ABCB5: variants seen among roughly 807,000 people sequenced by gnomAD.
ABCB5 encodes ATP-binding cassette sub-family B member 5.
ABCB5 carries 155 observed loss-of-function variants against 144.2 expected under a neutral mutation model. The observed-to-expected ratio is 1.08, with a 90% CI of 0.94 to 1.23. ABCB5 has a LOEUF of 1.23. Among genes scored for constraint, ABCB5 ranks in the 50% most tolerant of loss-of-function variants. The pLI is 0.00. For missense variants in ABCB5, 1,830 were observed against 1,520.8 expected (o/e 1.20, Z -3.38); for synonymous variants, 610 against 528.6 (o/e 1.15, Z -2.11).
intron 7 of ABCB5, among the ~76,000 whole-genome samples, chr7:20,645,207 G>A (rs1784375363): frequency 6.6e-6 from 1 of 152,146 alleles, no homozygotes; most frequent in Non-Finnish European, 1.5e-5. Flanking sequence ...CTAAGTACAA[G>A]GCTTTGTGCC....
intron 14 of ABCB5, chr7:20,666,761 A>C (rs2128033318): frequency 6.3e-7 from 1 of 1,598,450 alleles, no homozygotes. Context: ...TTTTCTAGAA[A>C]AAATAATACA....
intron 13 of ABCB5, among the ~76,000 whole-genome samples, chr7:20,656,917 T>TC (rs1420347073): frequency 6.9e-6 from 1 of 144,526 alleles, no homozygotes; most frequent in African/African-American, 2.6e-5. Context: ...TTTTTCTTTT[T>TC]TTTTTTTTTT....
intron 14 of ABCB5, among the ~76,000 whole-genome samples, chr7:20,670,046 C>G (rs1785413487): frequency 6.6e-6 from 1 of 152,172 alleles, no homozygotes; most frequent in South Asian, 2.1e-4. Flanking sequence ...AGATATTCTA[C>G]AAAACATCTA....
At chr7:20,625,663 G>T (rs1055582243) in intron 2 of ABCB5, among the ~76,000 whole-genome samples, 1 of 152,150 alleles carries the variant, frequency 6.6e-6, no homozygotes, top group African/African-American at 2.4e-5. Flanking sequence ...AACAAGTGTT[G>T]GTGAGGATAT....
intron 5 of ABCB5, among the ~76,000 whole-genome samples, chr7:20,632,698 C>G (rs991289349): frequency 1.3e-5 from 2 of 152,088 alleles, no homozygotes; most frequent in African/African-American, 2.4e-5. Flanking sequence ...ATGATGAGTT[C>G]ATGTCCTTTG....
In ABCB5 at chr7:20,698,564, A is replaced by G. The variant is rs1786503416; in HGVS notation, c.2154+14A>G. 6.3e-7 allele frequency: 1 copy of G among 1,582,058 alleles called. No homozygotes were observed. Among genetic ancestry groups the G allele is most frequent in the Admixed American group, 1.9e-5 (1 of 52,272 alleles). The stretch of plus-strand genomic sequence containing the variant: ...AAAATTATAACCGTAAGTAAAATAA[A>G]TTTGCTAATACTTTCAGCAATTTAA... On this transcript the variant is annotated intron_variant, in intron 17 of 27. Transcript: ENST00000404938.
At chr7:20,719,376 T>C (rs1284805810) in intron 20 of ABCB5, among the ~76,000 whole-genome samples, 2 of 152,240 alleles carry the variant, frequency 1.3e-5, no homozygotes, top group Non-Finnish European at 2.9e-5. Context: ...GAAGGTATTT[T>C]AAAAATTTAT....
intron 9 of ABCB5, 83 bp from the exon 10 acceptor site, chr7:20,647,452 T>C: frequency 6.9e-7 from 1 of 1,453,952 alleles, no homozygotes; most frequent in Non-Finnish European, 9.0e-7. Context: ...TCTGTGAGCC[T>C]AAACCAATAA....
In ABCB5 at chr7:20,646,081, T is replaced by C; in HGVS notation, c.924T>C (p.Tyr308=). 1 of 1,613,832 alleles carries C rather than the reference T, an allele frequency of 6.2e-7. No homozygotes were observed. Among genetic ancestry groups the C allele is most frequent in the Non-Finnish European group, 8.5e-7 (1 of 1,179,776 alleles). ...MNGTYGLAFW[Y]GTSLILNGEP... is the part of the protein sequence containing the mutation. ...GAACCTATGGACTTGCTTTTTGGTATGGAACCTCCTTGATTCTTAATGGAG... is the reference window on the plus strand; with the variant it reads ...GAACCTATGGACTTGCTTTTTGGTACGGAACCTCCTTGATTCTTAATGGAG... Residue 308 remains tyrosine (Y), a synonymous_variant, in exon 9 of 28, where the codon TAT becomes TAC. Transcript: ENST00000404938.
At chr7:20,656,871 T>A (rs749884129) in intron 13 of ABCB5, among the ~76,000 whole-genome samples, 20 of 151,668 alleles carry the variant, frequency 1.3e-4, no homozygotes, top group African/African-American at 4.6e-4. Context: ...AGCAGTTGAA[T>A]GAACAAATTG....
At position 20,693,502 on chromosome 7, in the gene ABCB5, C is replaced by T. The variant is rs924222036; in HGVS notation, c.2011-4905C>T. 2.6e-5 allele frequency among the ~76,000 whole-genome samples: 4 copies of T among 152,020 alleles called. No individual in the cohort carries two copies. The South Asian group carries it at 6.2e-4, about 24-fold the overall frequency. ...CTACATAACTCACTTCTAAATAATG[C>T]ACAAATCAAAGGAAAAATCAAAAGA... On this transcript the variant is annotated intron_variant, in intron 16 of 27. Transcript: ENST00000404938.
chr7:20,685,094 G>A (rs544992546), intron 15 of ABCB5, among the ~76,000 whole-genome samples: 16 of 152,242 alleles, frequency 1.1e-4, no homozygotes, highest in Middle Eastern at 3.4e-3. Flanking sequence ...GAAGTGATCC[G>A]CACGTCTCGG....
intron 14 of ABCB5, chr7:20,659,604 C>T (rs1211328718): frequency 2.0e-6 from 2 of 992,440 alleles, no homozygotes; most frequent in Non-Finnish European, 2.4e-6. Context: ...GATAAATAAT[C>T]TTTGTTTACT....
intron 14 of ABCB5, chr7:20,659,225 C>G (rs1229152886): frequency 6.3e-7 from 1 of 1,575,058 alleles, no homozygotes. Flanking sequence ...GCAGTTGTGG[C>G]CCTGCACCAA....
At chr7:20,737,550 T>C (rs1396752493) in intron 23 of ABCB5, among the ~76,000 whole-genome samples, 1 of 152,150 alleles carries the variant, frequency 6.6e-6, no homozygotes, top group Non-Finnish European at 1.5e-5. Flanking sequence ...TTAGGACAGG[T>C]AGAGATTTTA....
intron 14 of ABCB5, chr7:20,659,387 G>T: frequency 8.3e-7 from 1 of 1,209,914 alleles, no homozygotes; most frequent in South Asian, 3.9e-5. Context: ...TTGGAAGTGA[G>T]TTAAGCGTTT....
intron 24 of ABCB5, among the ~76,000 whole-genome samples, chr7:20,740,626 C>T (rs1055722740): frequency 1.3e-5 from 2 of 152,018 alleles, no homozygotes; most frequent in African/African-American, 4.8e-5. Flanking sequence ...AACAGTATTG[C>T]TACTCCTATT....
rs1562544514 is a variant in ABCB5 at position 20,658,769 on chromosome 7, G to A, written c.1707+93G>A. 6 of 1,412,044 alleles carry A rather than the reference G, an allele frequency of 4.2e-6. No individual in the cohort carries two copies. In the South Asian group the frequency reaches 6.9e-5, roughly 16 times the overall value. The allele number at this position is 1,412,044 out of a possible 1,614,324, so 87.5% of individuals were successfully genotyped here. ...TATAGATCTGTAATAGATTACTCAAGTTGAGAGCCCTCTTAAGGTATAAAG... is the reference window on the plus strand; with the variant it reads ...TATAGATCTGTAATAGATTACTCAAATTGAGAGCCCTCTTAAGGTATAAAG... On this transcript the variant is annotated intron_variant, in intron 14 of 27. Transcript: ENST00000404938.
At chr7:20,676,672 T>G (rs760127020) in intron 14 of ABCB5, among the ~76,000 whole-genome samples, 1 of 152,214 alleles carries the variant, frequency 6.6e-6, no homozygotes, top group Non-Finnish European at 1.5e-5. Context: ...ACATTAACAC[T>G]ACAACATTGT....
Sources: allele counts gnomAD v4.1 joint callset (sites outside exome capture counted in the v4.1 genomes callset), GRCh38; gene constraint gnomAD v4.1.1; transcripts MANE v1.5; gene names NCBI Gene and HGNC (gene_info 2026-07-23, HGNC 2026-07-21).